NEK11: variants seen among roughly 807,000 people sequenced by gnomAD.
NEK11 encodes the protein serine/threonine-protein kinase Nek11.
A neutral mutation model predicts 80.7 loss-of-function variants in NEK11; 72 were observed. The ratio of observed to expected loss-of-function variants is 0.89; its 90% confidence interval spans 0.74 to 1.08. NEK11 has a LOEUF of 1.08. Ranked by LOEUF, NEK11 falls within the 50% of genes least tolerant of loss-of-function variation. The pLI, the probability that NEK11 is intolerant of heterozygous loss-of-function variation, is 0.00. For missense variants in NEK11, 764 were observed against 763.6 expected, an observed-to-expected ratio of 1.00 and a Z score of -0.01; for synonymous variants, 251 against 260.7, an observed-to-expected ratio of 0.96 and a Z score of 0.36.
intron 5 of NEK11, among the ~76,000 whole-genome samples, chr3:131,131,094 G>T (rs935195934): frequency 6.6e-6 from 1 of 152,148 alleles, no homozygotes; most frequent in Admixed American, 6.5e-5. Context: ...GAGCTGCCAC[G>T]CCTGGCCTAC....
At chr3:131,175,336 A>G (rs2092943621) in intron 14 of NEK11, among the ~76,000 whole-genome samples, 1 of 152,224 alleles carries the variant, frequency 6.6e-6, no homozygotes, top group African/African-American at 2.4e-5. Context: ...CTCAAAATAA[A>G]AAACAAGTCA....
rs142242687 is a variant in NEK11, at chr3:131,074,522, G to A, written c.171-5901G>A. Among the ~76,000 whole-genome samples, 1,425 of 152,082 alleles carry A rather than the reference G, an allele frequency of 9.4e-3. 20 individuals are homozygous for A. Among genetic ancestry groups the A allele is most frequent in the African/African-American group, 0.031 (1,303 of 41,496 alleles). On this transcript the variant is annotated intron_variant, in intron 3 of 17. Transcript: ENST00000383366. ...AAATATACAGCATATATAAAATATTGTAATATATAATATAATGTATAAAGT... is the reference window on the plus strand; with the variant it reads ...AAATATACAGCATATATAAAATATTATAATATATAATATAATGTATAAAGT...
chr3:131,270,297 T>C (rs1166432106), intron 16 of NEK11, among the ~76,000 whole-genome samples: 1 of 152,198 alleles, frequency 6.6e-6, no homozygotes, highest in Non-Finnish European at 1.5e-5. Flanking sequence ...AGCTGGCCTG[T>C]CTAGAGCCTT....
intron 3 of NEK11, among the ~76,000 whole-genome samples, chr3:131,073,015 G>T (rs151211921): frequency 6.6e-6 from 1 of 152,004 alleles, no homozygotes; most frequent in Non-Finnish European, 1.5e-5. Context: ...ATGACACAGC[G>T]GTCAGACATT....
chr3:131,328,542 A>G (rs2097015971), intron 17 of NEK11: 1 of 152,188 alleles, frequency 6.6e-6, no homozygotes, highest in Non-Finnish European at 1.5e-5. Context: ...AAACAAAAAT[A>G]TATATGTAGC....
At chr3:131,132,989 A>G (rs977105841) in intron 6 of NEK11, among the ~76,000 whole-genome samples, 180 bp downstream of exon 6, 1 of 152,050 alleles carries the variant, frequency 6.6e-6, no homozygotes, top group Non-Finnish European at 1.5e-5. Flanking sequence ...AGGTTTCTAG[A>G]TGGGCCCAAC....
intron 5 of NEK11, among the ~76,000 whole-genome samples, chr3:131,115,989 TATTA>T (rs1406593136): frequency 7.0e-6 from 1 of 141,972 alleles, no homozygotes; most frequent in African/African-American, 2.6e-5. Context: ...TTTCTTTCTT[TATTA>T]TACTTTAAGT....
chr3:131,292,107 G>A (rs1193779573), intron 17 of NEK11, among the ~76,000 whole-genome samples: 1 of 152,158 alleles, frequency 6.6e-6, no homozygotes, highest in Non-Finnish European at 1.5e-5. Context: ...AAGGGTGTAA[G>A]GTCTGTGCCG....
At chr3:131,332,955 T>C (rs1210176812) in intron 17 of NEK11, among the ~76,000 whole-genome samples, 1 of 151,974 alleles carries the variant, frequency 6.6e-6, no homozygotes, top group African/African-American at 2.4e-5. Flanking sequence ...CTCCAAGAAA[T>C]ATGGGACTAT....
rs558711180 is a variant in NEK11, at chr3:131,336,767, T to C, written c.1719-12790T>C. ...AATCTACAATGAACTCAAACAAATT[T>C]ACAAGAAAAAAACAACCGCATCAAA... On this transcript the variant is annotated intron_variant, in intron 17 of 17. Transcript: ENST00000383366. Among the ~76,000 whole-genome samples the C allele has an allele frequency of 1.1e-3, 173 of 152,190 alleles. 1 individual carries two copies. Among genetic ancestry groups the C allele is most frequent in the African/African-American group, 3.4e-3 (142 of 41,504 alleles).
rs914135728 is a variant in NEK11, at chr3:131,087,485, G to A, written c.336+6897G>A. ...TCTCCATCTCCTGACCTTGTGATCCGCCCACGTCAGCCTCCCAAAGTGCTG... is the reference window on the plus strand; with the variant it reads ...TCTCCATCTCCTGACCTTGTGATCCACCCACGTCAGCCTCCCAAAGTGCTG... On this transcript the variant is annotated intron_variant, in intron 4 of 17. Transcript: ENST00000383366. 1.4e-4 allele frequency among the ~76,000 whole-genome samples: 22 copies of A among 152,022 alleles called. 1 individual carries two copies. Among genetic ancestry groups the A allele is most frequent in the Admixed American group, 5.2e-4 (8 of 15,264 alleles).
chr3:131,157,406 G>C (rs2090855803), intron 10 of NEK11, among the ~76,000 whole-genome samples: 1 of 152,070 alleles, frequency 6.6e-6, no homozygotes, highest in South Asian at 2.1e-4. Flanking sequence ...TTACAGTCTG[G>C]GCGGTGGGAA....
chr3:131,151,612 C>G (rs781137562), intron 7 of NEK11, among the ~76,000 whole-genome samples: 5 of 151,694 alleles, frequency 3.3e-5, no homozygotes, highest in Non-Finnish European at 4.4e-5. Context: ...TTACATAATT[C>G]ATAATGTCCA....
chr3:131,312,769 T>C (rs1338541053), intron 17 of NEK11, among the ~76,000 whole-genome samples: 1 of 152,088 alleles, frequency 6.6e-6, no homozygotes, highest in African/African-American at 2.4e-5. Flanking sequence ...TGTTTCAGAA[T>C]AGTTCAAATA....
intron 7 of NEK11, among the ~76,000 whole-genome samples, chr3:131,147,608 G>A (rs984006344): frequency 6.6e-6 from 1 of 151,888 alleles, no homozygotes; most frequent in East Asian, 1.9e-4. Context: ...CTGCTTTTCA[G>A]TTCCTGCCAA....
intron 3 of NEK11, among the ~76,000 whole-genome samples, chr3:131,033,433 G>T (rs1453260435): frequency 1.3e-5 from 2 of 151,790 alleles, no homozygotes; most frequent in African/African-American, 2.4e-5. Flanking sequence ...TTTTTGTTTT[G>T]CAGATACACC....
chr3:131,303,835 C>G (rs1336567551), intron 17 of NEK11, among the ~76,000 whole-genome samples: 1 of 152,098 alleles, frequency 6.6e-6, no homozygotes, highest in African/African-American at 2.4e-5. Flanking sequence ...CTTGGGGATG[C>G]TCATCTTTGT....
At chr3:131,171,004 T>G (rs575797329) in intron 14 of NEK11, 117 bp downstream of exon 14, 1 of 780,878 alleles carries the variant, frequency 1.3e-6, no homozygotes, top group African/African-American at 1.7e-5. Flanking sequence ...TGTGCAGCTA[T>G]TATCAGTTTA....
At chr3:131,183,115 G>T (rs1187759460) in intron 14 of NEK11, among the ~76,000 whole-genome samples, 1 of 152,084 alleles carries the variant, frequency 6.6e-6, no homozygotes, top group African/African-American at 2.4e-5. Flanking sequence ...AATTTTAGTG[G>T]TATACTTGAG....
Sources: allele counts gnomAD v4.1 joint callset (sites outside exome capture counted in the v4.1 genomes callset), GRCh38; gene constraint gnomAD v4.1.1; transcripts MANE v1.5; gene names NCBI Gene and HGNC (gene_info 2026-07-23, HGNC 2026-07-21).